Variants in EYS observed in about 807,000 individuals in gnomAD.
EYS encodes EGF-like photoreceptor maintenance factor.
A neutral mutation model predicts 282.1 loss-of-function variants in EYS; 250 were observed. That is an observed-to-expected ratio of 0.89 (90% CI 0.80 to 0.98). The LOEUF (loss-of-function observed/expected upper bound fraction) is 0.98. EYS is among the 50% of genes least tolerant of loss of function. The probability of loss-of-function intolerance (pLI) is 0.00; values close to 1 mark genes in which losing one functional copy is unlikely to be tolerated. For synonymous variants in EYS, 1,355 were observed against 1,282.9 expected (o/e 1.06, Z -1.20); for missense variants, 4,016 against 3,709.0 (o/e 1.08, Z -2.15).
At chr6:65,137,274 A>G (rs1776048546) in intron 12 of EYS, among the ~76,000 whole-genome samples, 1 of 152,138 alleles carries the variant, frequency 6.6e-6, no homozygotes, top group Non-Finnish European at 1.5e-5. Context: ...AAACAGCATT[A>G]TAAAGCAATT....
At chr6:64,657,513 T>A (rs971904271) in intron 22 of EYS, among the ~76,000 whole-genome samples, 3 of 152,252 alleles carry the variant, frequency 2.0e-5, no homozygotes, top group African/African-American at 7.2e-5. Context: ...TTTCCAAGTT[T>A]AGTGCTTCTT....
chr6:65,440,992 A>T (rs961584893), intron 5 of EYS, among the ~76,000 whole-genome samples: 3 of 141,016 alleles, frequency 2.1e-5, no homozygotes, highest in Admixed American at 7.5e-5. Context: ...ATATCTATAT[A>T]TATTAAACTG....
intron 31 of EYS, among the ~76,000 whole-genome samples, chr6:64,170,828 A>C (rs1764455584): frequency 6.6e-6 from 1 of 152,092 alleles, no homozygotes; most frequent in Admixed American, 6.6e-5. Context: ...GTAGCATTTC[A>C]CATAGTACTT....
chr6:65,058,564 G>A (rs1773482262), intron 12 of EYS, among the ~76,000 whole-genome samples: 1 of 150,784 alleles, frequency 6.6e-6, no homozygotes, highest in African/African-American at 2.4e-5. Flanking sequence ...ATATTATGGT[G>A]CCAGGGTGAT....
chr6:65,409,831 A>G (rs983776378), intron 5 of EYS, among the ~76,000 whole-genome samples: 5 of 152,042 alleles, frequency 3.3e-5, no homozygotes, highest in Non-Finnish European at 7.4e-5. Flanking sequence ...TATAATATTA[A>G]CTCATTTGGA....
intron 19 of EYS, among the ~76,000 whole-genome samples, chr6:64,847,809 C>G (rs751156161): frequency 6.6e-5 from 10 of 151,132 alleles, no homozygotes; most frequent in Non-Finnish European, 1.3e-4. Context: ...CAGACAAAAC[C>G]CTTTGATTCT....
rs1301470194 is a variant in EYS, at chr6:65,402,476, A to G, written c.1184+2T>C. The G allele has an allele frequency of 6.7e-7, 1 of 1,485,128 alleles. No individual in the cohort carries two copies. Among genetic ancestry groups the G allele is most frequent in the Non-Finnish European group, 9.4e-7 (1 of 1,064,344 alleles). 92.0% of individuals were successfully genotyped at this position (1,485,128 alleles called of 1,614,324 possible). On this transcript the variant is annotated splice_donor_variant, in intron 7 of 42. Transcript: ENST00000503581. LOFTEE classifies it high-confidence loss of function. ...TAAAAATAAACAGAAAATTAATTAT[A>G]CCTGCAAGGATAATCTTTCTCACAT...
chr6:64,196,277 C>T (rs1486637392), intron 31 of EYS, among the ~76,000 whole-genome samples: 4 of 152,184 alleles, frequency 2.6e-5, no homozygotes, highest in Non-Finnish European at 2.9e-5. Context: ...GAAATAGGAA[C>T]GCTTTTACAC....
intron 35 of EYS, among the ~76,000 whole-genome samples, chr6:63,875,322 C>A (rs1581921169): frequency 6.6e-6 from 1 of 152,096 alleles, no homozygotes; most frequent in African/African-American, 2.4e-5. Flanking sequence ...GGGATGAAGC[C>A]AACTTGATCA....
intron 41 of EYS, among the ~76,000 whole-genome samples, chr6:63,751,830 T>A (rs1276405370): frequency 6.6e-6 from 1 of 152,216 alleles, no homozygotes; most frequent in East Asian, 1.9e-4. Context: ...CTCAGATGGA[T>A]AATGCTGAAC....
At chr6:64,791,001 T>G (rs1200811142) in intron 22 of EYS, among the ~76,000 whole-genome samples, 1 of 152,024 alleles carries the variant, frequency 6.6e-6, no homozygotes, top group African/African-American at 2.4e-5. Flanking sequence ...GTTTTTCACA[T>G]GCTGAAAACA....
At chr6:64,164,482 G>A (rs948540244) in intron 31 of EYS, among the ~76,000 whole-genome samples, 4 of 152,040 alleles carry the variant, frequency 2.6e-5, no homozygotes, top group East Asian at 1.9e-4. Context: ...TGCTTAAATC[G>A]TACTGGTAAT....
intron 31 of EYS, among the ~76,000 whole-genome samples, chr6:64,115,619 C>G (rs934796992): frequency 1.3e-5 from 2 of 152,128 alleles, no homozygotes; most frequent in African/African-American, 4.8e-5. Flanking sequence ...GTCTTTACAA[C>G]GACACCCTCA....
intron 35 of EYS, among the ~76,000 whole-genome samples, chr6:63,879,634 T>C (rs1296237408): frequency 6.6e-6 from 1 of 152,210 alleles, no homozygotes; most frequent in Non-Finnish European, 1.5e-5. Context: ...ACGCATGAAA[T>C]AGCTATGAAA....
chr6:63,863,670 T>TTTCTTTTC (rs4034985), intron 36 of EYS, among the ~76,000 whole-genome samples: 1,024 of 70,982 alleles, frequency 0.014, 9 homozygotes, highest in Middle Eastern at 0.026. Flanking sequence ...TTTCTTTTCT[T>TTTCTTTTC]TTTTCTTTTT....
intron 29 of EYS, among the ~76,000 whole-genome samples, chr6:64,347,691 C>G (rs977489685): frequency 6.6e-6 from 1 of 151,336 alleles, no homozygotes; most frequent in African/African-American, 2.4e-5. Flanking sequence ...AGTTCTCAAG[C>G]TCCAGCACAT....
intron 31 of EYS, among the ~76,000 whole-genome samples, chr6:64,192,233 T>G (rs2150317127): frequency 6.6e-6 from 1 of 151,430 alleles, no homozygotes; most frequent in African/African-American, 2.4e-5. Flanking sequence ...ATATTAGCCC[T>G]TTGTCAGATG....
At chr6:65,291,712 G>C (rs1432589698) in intron 12 of EYS, among the ~76,000 whole-genome samples, 1 of 151,478 alleles carries the variant, frequency 6.6e-6, no homozygotes, top group African/African-American at 2.4e-5. Flanking sequence ...TCAGCTCTGT[G>C]GAGACTCATC....
intron 12 of EYS, 104 bp from the exon 13 acceptor site, chr6:65,057,831 T>C: frequency 1.4e-6 from 1 of 736,894 alleles, no homozygotes; most frequent in Non-Finnish European, 2.3e-6. Flanking sequence ...TAGGATGACA[T>C]CTGAAACCAA....
Sources: gnomAD v4.1 joint callset for allele counts (sites outside exome capture counted in the v4.1 genomes callset) on GRCh38, gnomAD v4.1.1 for gene constraint, MANE v1.5 for transcripts, NCBI Gene and HGNC (gene_info 2026-07-23, HGNC 2026-07-21) for gene names.